MRAP2: variants seen among roughly 807,000 people sequenced by gnomAD.
The protein encoded by MRAP2 is melanocortin-2 receptor accessory protein 2.
MRAP2 carries 20 observed loss-of-function variants against 17.4 expected under a neutral mutation model. The observed-to-expected ratio is 1.15, with a 90% CI of 0.81 to 1.67. MRAP2 has a LOEUF of 1.67. Ranked by LOEUF, MRAP2 falls within the 40% of genes most tolerant of loss-of-function variation. The pLI, the probability that MRAP2 is intolerant of heterozygous loss-of-function variation, is 0.00. For synonymous variants in MRAP2, 96 were observed against 88.4 expected (o/e 1.09, Z -0.48); for missense variants, 238 against 240.0 (o/e 0.99, Z 0.05).
At chr6:84,072,304 G>A (rs2099496392) in intron 3 of MRAP2, among the ~76,000 whole-genome samples, 1 of 152,154 alleles carries the variant, frequency 6.6e-6, no homozygotes, top group Non-Finnish European at 1.5e-5. Context: ...TCCTATGGAT[G>A]TGGCTTCCTG....
At chr6:84,048,812 G>C (rs1053607638) in intron 1 of MRAP2, among the ~76,000 whole-genome samples, 4 of 152,124 alleles carry the variant, frequency 2.6e-5, no homozygotes, top group African/African-American at 9.7e-5. Flanking sequence ...GGTCAGCTTG[G>C]CCATTGTTTT....
chr6:84,057,786 C>A (rs547776426), intron 2 of MRAP2, among the ~76,000 whole-genome samples: 1 of 151,990 alleles, frequency 6.6e-6, no homozygotes, highest in African/African-American at 2.4e-5. Flanking sequence ...TGTCAGATGG[C>A]AATATAAAAG....
chr6:84,113,067 T>C, the MRAP2 span, among the ~76,000 whole-genome samples: 1 of 152,212 alleles, frequency 6.6e-6, no homozygotes, highest in African/African-American at 2.4e-5. Flanking sequence ...AGAATGTATA[T>C]TCTGTTGATT....
At chr6:84,061,998 G>A (rs1292446878) in intron 2 of MRAP2, 1 of 979,292 alleles carries the variant, frequency 1.0e-6, no homozygotes, top group Non-Finnish European at 1.2e-6. Flanking sequence ...GGCAGAGAGA[G>A]CACTCAAGAG....
At chr6:84,137,933 A>G in the MRAP2 span, among the ~76,000 whole-genome samples, 2 of 152,212 alleles carry the variant, frequency 1.3e-5, no homozygotes, top group Admixed American at 6.5e-5. Context: ...ATTTTAAAAG[A>G]TGTGCTTGAA....
chr6:84,091,110 A>C (rs1476957083), downstream of MRAP2, among the ~76,000 whole-genome samples: 1 of 152,034 alleles, frequency 6.6e-6, no homozygotes, highest in Non-Finnish European at 1.5e-5. Flanking sequence ...AAGACTCTAA[A>C]TAGTAAAACA....
chr6:84,085,610 A>G (rs1204964180), intron 3 of MRAP2, among the ~76,000 whole-genome samples: 2 of 152,202 alleles, frequency 1.3e-5, no homozygotes, highest in East Asian at 1.9e-4. Context: ...GAGCCAAATC[A>G]TTTACACACA....
intron 1 of MRAP2, among the ~76,000 whole-genome samples, chr6:84,051,295 C>T (rs2099490347): frequency 6.6e-6 from 1 of 152,188 alleles, no homozygotes; most frequent in Non-Finnish European, 1.5e-5. Context: ...GGTGACTACA[C>T]CTATAATCCC....
chr6:84,047,183 T>TTTAA lies in MRAP2; in HGVS notation c.-7-8113_-7-8110dup, dbSNP rs376973971. On this transcript the variant is annotated intron_variant, in intron 1 of 3. Transcript: ENST00000257776. ...ATTATTTTTTAAATTATTTGTATTA[T>TTTAA]TTAATTAATTAATTAATTACTTTTT... Among the ~76,000 whole-genome samples, 681 of 152,034 alleles carry TTTAA rather than the reference T, an allele frequency of 4.5e-3. 3 individuals are homozygous for TTTAA. Among genetic ancestry groups the TTTAA allele is most frequent in the African/African-American group, 0.016 (644 of 41,486 alleles).
At chr6:84,142,749 C>T in the MRAP2 span, among the ~76,000 whole-genome samples, 1 of 152,076 alleles carries the variant, frequency 6.6e-6, no homozygotes, top group Non-Finnish European at 1.5e-5. Flanking sequence ...AAATTAAAGA[C>T]CTAGGAGTTC....
chr6:84,122,373 A>AAAAAAC, the MRAP2 span, among the ~76,000 whole-genome samples: 2 of 150,678 alleles, frequency 1.3e-5, no homozygotes, highest in African/African-American at 4.9e-5. Flanking sequence ...AAAAAAAAAA[A>AAAAAAC]AAAGCATCAT....
At chr6:84,141,396 A>G in the MRAP2 span, among the ~76,000 whole-genome samples, 1 of 152,180 alleles carries the variant, frequency 6.6e-6, no homozygotes, top group Non-Finnish European at 1.5e-5. Flanking sequence ...TAGACTTAAG[A>G]CCAACGTTAA....
At chr6:84,091,339 C>T (rs1295095114), downstream of MRAP2, among the ~76,000 whole-genome samples, 1 of 150,368 alleles carries the variant, frequency 6.7e-6, no homozygotes, top group Non-Finnish European at 1.5e-5. Context: ...AGTGATTCTC[C>T]TGCCTCAGCT....
chr6:84,118,924 C>G, the MRAP2 span, among the ~76,000 whole-genome samples: 8 of 152,164 alleles, frequency 5.3e-5, no homozygotes, highest in Non-Finnish European at 7.4e-5. Flanking sequence ...GTTCTTGATG[C>G]CACTTATTGA....
chr6:84,050,708 G>A (rs1439620416), intron 1 of MRAP2, among the ~76,000 whole-genome samples: 3 of 152,216 alleles, frequency 2.0e-5, no homozygotes, highest in Non-Finnish European at 2.9e-5. Flanking sequence ...GAGGAAGAAG[G>A]ATAAGAACAG....
At chr6:84,070,343 T>C (rs1202178880) in intron 3 of MRAP2, among the ~76,000 whole-genome samples, 1 of 152,198 alleles carries the variant, frequency 6.6e-6, no homozygotes, top group African/African-American at 2.4e-5. Context: ...GTTGATTTCA[T>C]TTTTGACCCA....
Position 84,063,522 on chromosome 6 carries a change from C to T in MRAP2, c.227+530C>T, listed in dbSNP as rs542249954. ...CAAACACTGTGGTTTACATAATTCT[C>T]ATAACATGGTAGGACTTGTGATGAT... On this transcript the variant is annotated intron_variant, in intron 3 of 3. Transcript: ENST00000257776. 33 of 718,832 alleles carry T rather than the reference C, an allele frequency of 4.6e-5. No individual in the cohort carries two copies. In the South Asian group the frequency reaches 1.7e-3, roughly 37 times the overall value. 44.5% of individuals were successfully genotyped at this position (718,832 alleles called of 1,614,324 possible).
At chr6:84,084,309 C>G (rs1442020866) in intron 3 of MRAP2, among the ~76,000 whole-genome samples, 1 of 152,058 alleles carries the variant, frequency 6.6e-6, no homozygotes, top group Non-Finnish European at 1.5e-5. Context: ...TCTAGTCCCT[C>G]CGTAGTAGAT....
intron 3 of MRAP2, among the ~76,000 whole-genome samples, chr6:84,066,038 CAT>C (rs2099494610): frequency 1.3e-5 from 2 of 150,294 alleles, no homozygotes; most frequent in East Asian, 3.9e-4. Context: ...CACACACACA[CAT>C]TGTGTTGGTT....
Sources: allele counts gnomAD v4.1 joint callset (sites outside exome capture counted in the v4.1 genomes callset), GRCh38; gene constraint gnomAD v4.1.1; transcripts MANE v1.5; gene names NCBI Gene and HGNC (gene_info 2026-07-23, HGNC 2026-07-21).